The following TTLL9 variants were observed in gnomAD, a reference collection of about 807,000 sequenced individuals.
The protein encoded by TTLL9 is probable tubulin polyglutamylase TTLL9.
Under a neutral mutation model 65.6 loss-of-function variants are expected in TTLL9, and 47 were observed. The observed-to-expected ratio is 0.72, with a 90% CI of 0.57 to 0.91. The LOEUF (loss-of-function observed/expected upper bound fraction) is 0.91. Among genes scored for constraint, TTLL9 ranks in the 40% least tolerant of loss-of-function variants. The probability of loss-of-function intolerance (pLI) is 0.00; values close to 1 mark genes in which losing one functional copy is unlikely to be tolerated. For synonymous variants in TTLL9, 179 were observed against 204.8 expected (o/e 0.87, Z 1.07); for missense variants, 537 against 568.8 (o/e 0.94, Z 0.57).
At chr20:31,874,430 G>A (rs949386507) in intron 2 of TTLL9, among the ~76,000 whole-genome samples, 2 of 41,476 alleles carry the variant, frequency 4.8e-5, no homozygotes, top group East Asian at 1.4e-3. Context: ...TTTTTTTTTT[G>A]AGACAAAGTC....
chr20:31,884,081 CA>C, intron 2 of TTLL9: 1 of 549,102 alleles, frequency 1.8e-6, no homozygotes, highest in Admixed American at 3.2e-5. Flanking sequence ...ACTAATCATT[CA>C]GCAAGGGCAT....
rs71185374 is a variant in TTLL9 at position 31,904,350 on chromosome 20, CTTTTTTTT to C, written c.207-4223_207-4216del. Among the ~76,000 whole-genome samples the C allele has an allele frequency of 8.6e-5, 7 of 81,768 alleles. No individual in the cohort carries two copies. The South Asian group carries it at 1.4e-3, about 17-fold the overall frequency. 53.6% of individuals were successfully genotyped at this position (81,768 alleles called of 152,430 possible). Reference sequence around the variant, plus strand: ...ATGGTTCTAGCATTTTTTGATAATTCTTTTTTTTTTTTTTTTTTTTTTTTTGAGACAGG... The same window carrying C: ...ATGGTTCTAGCATTTTTTGATAATTCTTTTTTTTTTTTTTTTTGAGACAGG... On this transcript the variant is annotated intron_variant, in intron 4 of 14. Transcript: ENST00000535842.
At chr20:31,920,373 A>G (rs1309774636) in intron 7 of TTLL9, among the ~76,000 whole-genome samples, 5 of 152,126 alleles carry the variant, frequency 3.3e-5, no homozygotes, top group Non-Finnish European at 5.9e-5. Context: ...CTCAGGGCCT[A>G]GACTGAGCCT....
At chr20:31,936,937 A>T (rs1326167975) in intron 12 of TTLL9, among the ~76,000 whole-genome samples, 1 of 151,916 alleles carries the variant, frequency 6.6e-6, no homozygotes, top group South Asian at 2.1e-4. Context: ...CTCTACTAAA[A>T]ATACAAAGAA....
At chr20:31,871,225 G>A in intron 2 of TTLL9, 30 bp downstream of exon 2, 2 of 1,609,754 alleles carry the variant, frequency 1.2e-6, no homozygotes, top group Non-Finnish European at 8.5e-7. Context: ...TTTGAGGGAG[G>A]GTTCCAGTCT....
At chr20:31,873,718 GAAA>G (rs2123352508) in intron 2 of TTLL9, among the ~76,000 whole-genome samples, 1 of 124,418 alleles carries the variant, frequency 8.0e-6, no homozygotes, top group Non-Finnish European at 1.7e-5. Flanking sequence ...AAGAAAGAAA[GAAA>G]GAAAGAAAGA....
chr20:31,883,450 T>A (rs1281362579), intron 2 of TTLL9, among the ~76,000 whole-genome samples: 1 of 152,050 alleles, frequency 6.6e-6, no homozygotes, highest in Non-Finnish European at 1.5e-5. Flanking sequence ...CCTGCCTCAG[T>A]CTCCCAAAGT....
chr20:31,923,357 A>G (rs2063843455), intron 8 of TTLL9, among the ~76,000 whole-genome samples: 1 of 152,226 alleles, frequency 6.6e-6, no homozygotes, highest in African/African-American at 2.4e-5. Flanking sequence ...ACTGCCCTGA[A>G]TACTGGCTGC....
rs1223988456 is a variant in TTLL9, at chr20:31,927,067, A to AT, written c.748+980dup. 2.0e-5 allele frequency among the ~76,000 whole-genome samples: 3 copies of AT among 151,690 alleles called. No individual in the cohort carries two copies. The East Asian group carries it at 5.8e-4, about 29-fold the overall frequency. On this transcript the variant is annotated intron_variant, in intron 10 of 14. Transcript: ENST00000535842. ...GAGTTCCAGGCTGCAGTGAGCTGTGATTTTGCCCCTGTATGCCAGTCCAGG... is the reference window on the plus strand; with the variant it reads ...GAGTTCCAGGCTGCAGTGAGCTGTGATTTTTGCCCCTGTATGCCAGTCCAGG...
rs1183518305 is a variant in TTLL9 at position 31,943,051 on chromosome 20, A to C, written c.*30A>C. 6.2e-7 allele frequency: 1 copy of C among 1,607,734 alleles called. No individual in the cohort carries two copies. The highest frequency in any genetic ancestry group is 8.5e-7 in the Non-Finnish European group (1 of 1,175,050). ...CAGCTGCCAGGAGGAAATCAGCCTT[A>C]GCAGGTGCCACCCAGGCCTCCCCCC... On this transcript the variant is annotated 3_prime_UTR_variant, in exon 15 of 15. Coordinates refer to ENST00000535842, the MANE Select transcript of TTLL9 (RefSeq NM_001008409.5).
chr20:31,918,058 G>C (rs2063762412), intron 6 of TTLL9, among the ~76,000 whole-genome samples: 1 of 152,078 alleles, frequency 6.6e-6, no homozygotes. Flanking sequence ...TGAAGGGAAA[G>C]GAATGTGCTT....
chr20:31,938,657 C>A (rs573951541), intron 13 of TTLL9, among the ~76,000 whole-genome samples: 1 of 152,164 alleles, frequency 6.6e-6, no homozygotes, highest in African/African-American at 2.4e-5. Context: ...GCGGGCAGAT[C>A]ACTTGAGGTC....
At chr20:31,909,956 G>GGC in intron 6 of TTLL9, 34 bp downstream of exon 6, 31 of 658,826 alleles carry the variant, frequency 4.7e-5, no homozygotes, top group East Asian at 1.2e-4. Flanking sequence ...GGGTGGGAGG[G>GGC]AATGAGTCCC....
At chr20:31,941,883 G>C (rs2123659448) in intron 14 of TTLL9, among the ~76,000 whole-genome samples, 1 of 152,330 alleles carries the variant, frequency 6.6e-6, no homozygotes, top group South Asian at 2.1e-4. Context: ...GTTAGGGTAG[G>C]AAGAGTACTG....
intron 2 of TTLL9, among the ~76,000 whole-genome samples, chr20:31,872,749 A>C (rs1364785941): frequency 6.6e-6 from 1 of 152,204 alleles, no homozygotes; most frequent in African/African-American, 2.4e-5. Context: ...TATTTCCAGC[A>C]GAAGGAACAG....
chr20:31,904,350 CTTTTTTTTTTTTTTT>C (rs71185374), intron 4 of TTLL9, among the ~76,000 whole-genome samples: 1 of 81,766 alleles, frequency 1.2e-5, no homozygotes, highest in Non-Finnish European at 2.3e-5. Context: ...TTTGATAATT[CTTTTTTTTTTTTTTT>C]TTTTTTTTTT....
At chr20:31,875,832 TC>T (rs1418513109) in intron 2 of TTLL9, among the ~76,000 whole-genome samples, 2 of 152,128 alleles carry the variant, frequency 1.3e-5, no homozygotes, top group Non-Finnish European at 2.9e-5. Context: ...CCCTTTTCTC[TC>T]CCCACTTCCT....
intron 10 of TTLL9, among the ~76,000 whole-genome samples, chr20:31,927,922 T>C (rs372265375): frequency 6.6e-6 from 1 of 152,204 alleles, no homozygotes; most frequent in African/African-American, 2.4e-5. Flanking sequence ...CCTTTCTGAG[T>C]ATTTTTTGCA....
At chr20:31,875,073 A>C (rs2063018830) in intron 2 of TTLL9, among the ~76,000 whole-genome samples, 2 of 152,324 alleles carry the variant, frequency 1.3e-5, no homozygotes, top group Non-Finnish European at 1.5e-5. Flanking sequence ...ACAAGCAGCA[A>C]CAGGAAATTC....
Sources: gnomAD v4.1 joint callset for allele counts (sites outside exome capture counted in the v4.1 genomes callset) on GRCh38, gnomAD v4.1.1 for gene constraint, MANE v1.5 for transcripts, NCBI Gene and HGNC (gene_info 2026-07-23, HGNC 2026-07-21) for gene names.